AOPEP: variants seen among roughly 807,000 people sequenced by gnomAD.
The protein encoded by AOPEP is aminopeptidase O.
In AOPEP, 77 loss-of-function variants were observed where a neutral mutation model predicts 98.1. The observed-to-expected ratio is 0.78, with a 90% CI of 0.65 to 0.95. The LOEUF is 0.95. AOPEP is among the 40% of genes least tolerant of loss of function. AOPEP has a pLI of 0.00. For synonymous variants in AOPEP, 346 were observed against 365.3 expected (o/e 0.95, Z 0.60); for missense variants, 1,024 against 1,024.7 (o/e 1.00, Z 0.01).
intron 11 of AOPEP, among the ~76,000 whole-genome samples, chr9:94,985,229 C>G (rs1286279067): frequency 6.6e-6 from 1 of 152,266 alleles, no homozygotes; most frequent in African/African-American, 2.4e-5. Flanking sequence ...CCCAGACTTT[C>G]TCCTGAATCC....
intron 7 of AOPEP, among the ~76,000 whole-genome samples, chr9:94,937,667 T>G (rs1055881344): frequency 1.3e-5 from 2 of 152,194 alleles, no homozygotes; most frequent in Non-Finnish European, 2.9e-5. Context: ...TCCATATCAT[T>G]ATGACTCATC....
chr9:94,978,913 T>C (rs1348351430), intron 10 of AOPEP, among the ~76,000 whole-genome samples: 1 of 152,048 alleles, frequency 6.6e-6, no homozygotes, highest in East Asian at 1.9e-4. Flanking sequence ...TGTGGTCTGA[T>C]AGTGATTTGT....
chr9:95,084,590 C>T (rs2070368765), intron 16 of AOPEP, among the ~76,000 whole-genome samples: 1 of 152,226 alleles, frequency 6.6e-6, no homozygotes, highest in Non-Finnish European at 1.5e-5. Flanking sequence ...GCCAGCTAGT[C>T]CTTTCATCAT....
chr9:94,890,937 C>G (rs72748560), intron 5 of AOPEP, among the ~76,000 whole-genome samples: 4,404 of 152,260 alleles, frequency 0.029, 170 homozygotes, highest in African/African-American at 0.084. Flanking sequence ...TGGGTAGAGC[C>G]TTCTTTAAAT....
intron 5 of AOPEP, among the ~76,000 whole-genome samples, chr9:94,886,366 T>C (rs1178033411): frequency 6.6e-6 from 1 of 152,192 alleles, no homozygotes; most frequent in Non-Finnish European, 1.5e-5. Flanking sequence ...GATACCTATA[T>C]AATTACGCCT....
the AOPEP span, among the ~76,000 whole-genome samples, chr9:95,143,156 T>C: frequency 1.3e-5 from 2 of 152,316 alleles, no homozygotes; most frequent in South Asian, 4.2e-4. Flanking sequence ...CAATTTATTC[T>C]GAAAGATACA....
intron 5 of AOPEP, among the ~76,000 whole-genome samples, chr9:94,913,643 T>C (rs1172503370): frequency 1.3e-5 from 2 of 152,226 alleles, no homozygotes; most frequent in African/African-American, 2.4e-5. Context: ...AAGCTACCAC[T>C]AAGACGGTCT....
chr9:94,730,252 C>G (rs1164214486), intron 1 of AOPEP, among the ~76,000 whole-genome samples: 1 of 150,398 alleles, frequency 6.6e-6, no homozygotes, highest in African/African-American at 2.5e-5. Context: ...CCACTGCACT[C>G]CAGCCTGGGC....
intron 13 of AOPEP, among the ~76,000 whole-genome samples, chr9:95,051,085 C>CT (rs542122136): frequency 5.2e-3 from 443 of 84,972 alleles, no homozygotes; most frequent in African/African-American, 0.015. Flanking sequence ...GTTTTTGTGG[C>CT]TTACTTTTTT....
At chr9:94,997,156 A>AT (rs1230543338) in intron 11 of AOPEP, among the ~76,000 whole-genome samples, 3 of 152,202 alleles carry the variant, frequency 2.0e-5, no homozygotes, top group African/African-American at 7.2e-5. Context: ...AAAAAGTCAG[A>AT]TATCTGCCCA....
intron 14 of AOPEP, among the ~76,000 whole-genome samples, chr9:95,068,651 G>A (rs1388540173): frequency 6.6e-6 from 1 of 152,170 alleles, no homozygotes; most frequent in African/African-American, 2.4e-5. Context: ...ATGAAGTCCA[G>A]TGTATCTCCT....
At chr9:94,999,057 C>T (rs922621364) in intron 11 of AOPEP, among the ~76,000 whole-genome samples, 4 of 151,762 alleles carry the variant, frequency 2.6e-5, no homozygotes, top group Admixed American at 1.3e-4. Context: ...TACTTCTAAA[C>T]GTTGTTAATG....
chr9:94,786,785 C>G (rs565408247), intron 3 of AOPEP, among the ~76,000 whole-genome samples: 1 of 152,352 alleles, frequency 6.6e-6, no homozygotes, highest in East Asian at 1.9e-4. Context: ...GCAAGAAGCC[C>G]AGGGCCAGAC....
chr9:95,067,726 T>C (rs760044528), intron 14 of AOPEP, among the ~76,000 whole-genome samples: 2 of 152,232 alleles, frequency 1.3e-5, no homozygotes, highest in Non-Finnish European at 2.9e-5. Context: ...GCACCCATTT[T>C]AAAGTATACA....
intron 1 of AOPEP, among the ~76,000 whole-genome samples, chr9:94,750,365 C>G (rs1163066496): frequency 3.3e-5 from 5 of 152,138 alleles, no homozygotes; most frequent in Non-Finnish European, 4.4e-5. Flanking sequence ...GTGGGTGGAT[C>G]ACGAGGTCAG....
At chr9:95,005,940 A>T (rs2061978919) in intron 13 of AOPEP, 1 of 507,008 alleles carries the variant, frequency 2.0e-6, no homozygotes, top group East Asian at 5.1e-5. Flanking sequence ...AAAAATGAAA[A>T]GTGTTCCGAA....
chr9:94,847,989 A>G (rs755305550), intron 5 of AOPEP, among the ~76,000 whole-genome samples: 12 of 152,206 alleles, frequency 7.9e-5, no homozygotes, highest in Non-Finnish European at 1.5e-4. Context: ...TTAGGCTTTA[A>G]TGTTCAGGTC....
At chr9:94,860,406 C>T (rs935390915) in intron 5 of AOPEP, among the ~76,000 whole-genome samples, 8 of 136,812 alleles carry the variant, frequency 5.8e-5, no homozygotes, top group Middle Eastern at 7.1e-3. Flanking sequence ...AGGGTGGGGA[C>T]GGGGTGGGCA....
intron 1 of AOPEP, among the ~76,000 whole-genome samples, chr9:94,751,955 C>A (rs528066916): frequency 6.9e-6 from 1 of 145,502 alleles, no homozygotes; most frequent in Non-Finnish European, 1.5e-5. Flanking sequence ...TACAGTGACA[C>A]AATCACGACT....
Sources: allele counts gnomAD v4.1 joint callset (sites outside exome capture counted in the v4.1 genomes callset), GRCh38; gene constraint gnomAD v4.1.1; transcripts MANE v1.5; gene names NCBI Gene and HGNC (gene_info 2026-07-23, HGNC 2026-07-21).